Variants in PKD1 observed in about 807,000 individuals in gnomAD.
The protein encoded by PKD1 is polycystin 1, transient receptor potential channel interacting, also known as polycystin-1.
PKD1 carries 81 observed loss-of-function variants against 361.7 expected under a neutral mutation model. That is an observed-to-expected ratio of 0.22 (90% CI 0.19 to 0.27). The LOEUF (loss-of-function observed/expected upper bound fraction) is 0.27. Among genes scored for constraint, PKD1 ranks in the 10% least tolerant of loss-of-function variants. The pLI, the probability that PKD1 is intolerant of heterozygous loss-of-function variation, is 1.00. For synonymous variants in PKD1, 3,615 were observed against 2,818.3 expected, an observed-to-expected ratio of 1.28 and a Z score of -8.95; for missense variants, 6,399 against 6,118.3, an observed-to-expected ratio of 1.05 and a Z score of -1.53.
chr16:2,091,703 G>A lies in PKD1; in HGVS notation c.11537+78C>T, dbSNP rs950357849. 35 of 1,579,854 alleles carry A rather than the reference G, an allele frequency of 2.2e-5. No individual in the cohort carries two copies. The South Asian group carries it at 3.6e-4, about 16-fold the overall frequency. On this transcript the variant is annotated intron_variant, in intron 41 of 45. Coordinates refer to ENST00000262304, the MANE Select transcript of PKD1 (RefSeq NM_001009944.3). ...GGCTGTGGAAGCCGCCTAGGCCAGC[G>A]GGGGCCGGAGGAGTGAGGGTGGGCT...
At position 2,097,037 on chromosome 16, in the gene PKD1, C is replaced by G; in HGVS notation, c.10499+111G>C. On this transcript the variant is annotated intron_variant, in intron 34 of 45. Coordinates refer to ENST00000262304, the MANE Select transcript of PKD1 (RefSeq NM_001009944.3). The stretch of plus-strand genomic sequence containing the variant: ...AGAAGTGAAGTGGTGCAGCCACAGC[C>G]CTGCCCTGGCACCCCACCCCACCCT... 4.0e-6 allele frequency: 3 copies of G among 751,502 alleles called. No homozygotes were observed. The South Asian group carries it at 4.7e-5, about 12-fold the overall frequency. The allele number at this position is 751,502 out of a possible 1,614,324, so 46.6% of individuals were successfully genotyped here.
chr16:2,108,013 G>C lies in PKD1; in HGVS notation c.6935C>G (p.Ala2312Gly), dbSNP rs533284364. The C allele has an allele frequency of 6.5e-7, 1 of 1,549,038 alleles. No individual in the cohort carries two copies. The highest frequency in any genetic ancestry group is 1.4e-5 in the African/African-American group (1 of 73,238). Reference protein sequence around the residue: ...ASTQREAGGCALNFGPRGSST... With the variant: ...ASTQREAGGCGLNFGPRGSST... ...GCTCCCGCGGGGCCCAAAGTTCAGCGCACACCCGCCAGCCTCCCTCTGCAG... is the reference window on the plus strand; with the variant it reads ...GCTCCCGCGGGGCCCAAAGTTCAGCCCACACCCGCCAGCCTCCCTCTGCAG... Residue 2312 changes from alanine to glycine, a missense_variant, in exon 16 of 46, where the codon GCG (alanine) becomes GGG (glycine). Coordinates refer to ENST00000262304, the MANE Select transcript of PKD1 (RefSeq NM_001009944.3).
At position 2,098,363 on chromosome 16, in the gene PKD1, C is replaced by G. The variant is rs2369097; in HGVS notation, c.10051-379G>C. Among the ~76,000 whole-genome samples, 1,118 of 151,916 alleles carry G rather than the reference C, an allele frequency of 7.4e-3. 14 individuals are homozygous for G. The highest frequency in any genetic ancestry group is 0.021 in the African/African-American group (851 of 41,308). ...AGCTGGGATTACAGGTGCCTGCCAC[C>G]ATGCCCAGCTAATTTTTTGTATTTT... On this transcript the variant is annotated intron_variant, in intron 30 of 45. Coordinates refer to ENST00000262304, the MANE Select transcript of PKD1 (RefSeq NM_001009944.3).
At position 2,089,091 on chromosome 16, in the gene PKD1, C is replaced by T. The variant is rs947813833; in HGVS notation, c.*636G>A. 2 of 176,918 alleles carry T rather than the reference C, an allele frequency of 1.1e-5. No homozygotes were observed. Among genetic ancestry groups the T allele is most frequent in the South Asian group, 1.4e-4 (1 of 7,306 alleles). The allele number at this position is 176,918 out of a possible 1,614,324, so 11.0% of individuals were successfully genotyped here. A position where few individuals can be genotyped will look rare whatever the true frequency, so the allele number is the denominator to read the frequency against. ...CCTCTGGGGTGATGAGAGTGCCTGGCAGACAGCTGTGCCCCCAGCACCGGC... is the reference window on the plus strand; with the variant it reads ...CCTCTGGGGTGATGAGAGTGCCTGGTAGACAGCTGTGCCCCCAGCACCGGC... On this transcript the variant is annotated 3_prime_UTR_variant, in exon 46 of 46. Transcript: ENST00000262304.
At position 2,089,617 on chromosome 16, in the gene PKD1, G is replaced by A. The variant is rs998332804; in HGVS notation, c.*110C>T. On this transcript the variant is annotated 3_prime_UTR_variant, in exon 46 of 46. Transcript: ENST00000262304. Reference sequence around the variant, plus strand: ...ACAGATGCCCCTGCCTGCTCTCTGGGGAACCTACGTGCAGCCATTCTGCCT... The same window carrying A: ...ACAGATGCCCCTGCCTGCTCTCTGGAGAACCTACGTGCAGCCATTCTGCCT... The A allele has an allele frequency of 2.5e-5, 33 of 1,346,166 alleles. No homozygotes were observed. The highest frequency in any genetic ancestry group is 3.4e-5 in the Non-Finnish European group (33 of 973,726). The allele number at this position is 1,346,166 out of a possible 1,614,324, so 83.4% of individuals were successfully genotyped here. A position where few individuals can be genotyped will look rare whatever the true frequency, so the allele number is the denominator to read the frequency against.
chr16:2,127,285 C>T (rs368084377), intron 1 of PKD1, among the ~76,000 whole-genome samples: 3 of 152,238 alleles, frequency 2.0e-5, no homozygotes. Flanking sequence ...CGCGGCTCTG[C>T]CAACACTTCC....
Position 2,108,621 on chromosome 16 carries a change from C to A in PKD1, c.6546G>T (p.Gln2182His). ...HVDLRDCVTY[Q>H]TEYRWEVYRT... ...GATACACCTCCCAGCGGTACTCAGT[C>A]TGGTAGGTGACGCAGTCGCGCAGGT... Residue 2182 changes from glutamine (Q) to histidine (H), a missense_variant, in exon 15 of 46, where the codon CAG (glutamine) becomes CAT (histidine). Physicochemically the swap from Gln to His is conservative, Grantham distance 24. Coordinates refer to ENST00000262304, the MANE Select transcript of PKD1 (RefSeq NM_001009944.3). 5 of 1,559,988 alleles carry A rather than the reference C, an allele frequency of 3.2e-6. No homozygotes were observed. The highest frequency in any genetic ancestry group is 4.3e-6 in the Non-Finnish European group (5 of 1,152,888).
At chr16:2,135,258 G>A (rs2151857838) in intron 1 of PKD1, 1 of 985,072 alleles carries the variant, frequency 1.0e-6, no homozygotes, top group East Asian at 1.1e-4. Flanking sequence ...GCCCCCGGGT[G>A]GGACGTCTGT....
Position 2,091,898 on chromosome 16 carries a change from G to A in PKD1, c.11420C>T (p.Ser3807Phe), listed in dbSNP as rs1271773572. Residue 3807 changes from serine to phenylalanine, a missense_variant, in exon 41 of 46, where the codon TCC (serine) becomes TTC (phenylalanine). Transcript: ENST00000262304. The stretch of plus-strand genomic sequence containing the variant: ...GTCATACACGGCACAGGAGCCCCAG[G>A]ACCATGCCCTGCCGGAGAGGGGTGG... Reference protein sequence around the residue: ...YSAPDLLGAWSWGSCAVYDSG... With the variant: ...YSAPDLLGAWFWGSCAVYDSG... 1.2e-5 allele frequency: 20 copies of A among 1,611,416 alleles called. No individual in the cohort carries two copies. Among genetic ancestry groups the A allele is most frequent in the Non-Finnish European group, 1.4e-5 (17 of 1,179,628 alleles).
At position 2,092,527 on chromosome 16, in the gene PKD1, C is replaced by A. The variant is rs1254976978; in HGVS notation, c.11222G>T (p.Ser3741Ile). Residue 3741 changes from serine (S) to isoleucine (I), a missense_variant, in exon 39 of 46, where the codon AGC becomes ATC. Ser to Ile is a moderately radical substitution (Grantham distance 142). Coordinates refer to ENST00000262304, the MANE Select transcript of PKD1 (RefSeq NM_001009944.3). ...LLPYVHGNQS[S>I]PELGPPRLRQ... ...CAGCCGTGGGGGCCCCAGCTCTGGGCTGGACTGGTTCCCGTGGACGTAGGG... is the reference window on the plus strand; with the variant it reads ...CAGCCGTGGGGGCCCCAGCTCTGGGATGGACTGGTTCCCGTGGACGTAGGG... 2 of 1,612,742 alleles carry A rather than the reference C, an allele frequency of 1.2e-6. No individual in the cohort carries two copies. The highest frequency in any genetic ancestry group is 2.2e-5 in the East Asian group (1 of 44,876).
rs186160250 is a variant in PKD1 at position 2,090,580 on chromosome 16, G to A, written c.12149C>T (p.Ser4050Phe). 4 of 1,608,764 alleles carry A rather than the reference G, an allele frequency of 2.5e-6. No homozygotes were observed. Among genetic ancestry groups the A allele is most frequent in the Admixed American group, 3.3e-5 (2 of 59,956 alleles). The change falls in exon 45 of 46, where the codon TCC becomes TTC. Residue 4050 changes from serine (S) to phenylalanine (F), a missense_variant. By Grantham distance (155) the Ser-to-Phe change is radical. Coordinates refer to ENST00000262304, the MANE Select transcript of PKD1 (RefSeq NM_001009944.3). The part of the protein sequence containing the change: ...YAQLAILLVS[S>F]CVDSLWSVAQ... ...CACGCTCCAGAGGGAGTCCACACAG[G>A]AAGACACGAGCTGCGGGGAAGGCGA...
Position 2,102,561 on chromosome 16 carries a change from G to C in PKD1, c.9021C>G (p.Ser3007=). The C allele has an allele frequency of 1.9e-6, 3 of 1,610,970 alleles. No individual in the cohort carries two copies. In the South Asian group the frequency reaches 3.3e-5, roughly 18 times the overall value. ...GGCACAGGGACGTGTACAGGCCCAC[G>C]GACACCTGCAGCGCCGACCAGCGGA... ...SHFRWSALQV[S]VGLYTSLCQY... is the part of the protein sequence containing the mutation. The change falls in exon 25 of 46, where the codon TCC becomes TCG. Residue 3007 remains serine (S), a synonymous_variant. Transcript: ENST00000262304.
chr16:2,114,236 C>T lies in PKD1; in HGVS notation c.2787G>A (p.Glu929=). The T allele has an allele frequency of 6.2e-7, 1 of 1,610,218 alleles. No individual in the cohort carries two copies. Among genetic ancestry groups the T allele is most frequent in the Admixed American group, 1.7e-5 (1 of 59,994 alleles). Residue 929 remains glutamate (E), a synonymous_variant, in exon 11 of 46, where the codon GAG becomes GAA. Transcript: ENST00000262304. ...TGGCGCGGAGGCCACAGATGGGCTC[C>T]TCCGCCGTCACCCGCAGGCTGAGGT... ...RANLSLRVTA[E]EPICGLRATP...
At chr16:2,124,124 T>C (rs1260457244) in intron 1 of PKD1, among the ~76,000 whole-genome samples, 2 of 152,128 alleles carry the variant, frequency 1.3e-5, no homozygotes, top group East Asian at 1.9e-4. Flanking sequence ...TTGCCAATCC[T>C]GGAGCAGGAG....
In PKD1 at chr16:2,097,218, G is replaced by A. The variant is rs62621452; in HGVS notation, c.10429C>T (p.Leu3477Phe). 6.3e-6 allele frequency: 10 copies of A among 1,576,294 alleles called. No homozygotes were observed. In the East Asian group the frequency reaches 9.3e-5, roughly 15 times the overall value. ...GCTGGGCTGCTGACCCCCTCGGCAA[G>A]GACCTGCTGGATCAGGTCTTCATCT... is the stretch of plus-strand genomic sequence containing the variant. ...ASDEDLIQQVLAEGVSSPAPT... is the reference protein window; with the variant it reads ...ASDEDLIQQVFAEGVSSPAPT... The change falls in exon 34 of 46, where the codon CTT (leucine) becomes TTT (phenylalanine). Residue 3477 changes from leucine (L) to phenylalanine (F), a missense_variant. Physicochemically the swap from Leu to Phe is conservative, Grantham distance 22. Coordinates refer to ENST00000262304, the MANE Select transcript of PKD1 (RefSeq NM_001009944.3).
rs111686944 is a variant in PKD1, at chr16:2,113,262, C to G, written c.2884G>C (p.Asp962His). Residue 962 changes from aspartate (D) to histidine (H), a missense_variant, in exon 12 of 46, where the codon GAC becomes CAC. Asp to His is a moderately conservative substitution (Grantham distance 81, BLOSUM62 -1). Coordinates refer to ENST00000262304, the MANE Select transcript of PKD1 (RefSeq NM_001009944.3). ...TTGATGGTCCACCGGAAGACCATGT[C>G]CGAGCCGGCCTCCACCACGGGGCTG... ...RYSPVVEAGS[D>H]MVFRWTINDK... 34 of 1,582,914 alleles carry G rather than the reference C, an allele frequency of 2.1e-5. No homozygotes were observed. In the African/African-American group the frequency reaches 3.1e-4, roughly 14 times the overall value.
In PKD1 at chr16:2,106,044, G is replaced by A. The variant is rs1479314421; in HGVS notation, c.7704-20C>T. ...AAAGACCTACGAGCAGAGGGGGGTG[G>A]TGAGCAGGTGGCAGTCTCGGGGGCG... On this transcript the variant is annotated intron_variant, in intron 19 of 45. Transcript: ENST00000262304. This position sits in a 1 kb window ranked among gnomAD's most constrained non-coding sequence, Gnocchi z 6.5. 6.2e-7 allele frequency: 1 copy of A among 1,607,024 alleles called. No homozygotes were observed. Among genetic ancestry groups the A allele is most frequent in the Non-Finnish European group, 8.5e-7 (1 of 1,178,694 alleles).
chr16:2,112,714 G>A (rs1381589598), intron 13 of PKD1, 74 bp downstream of exon 13: 9 of 1,481,408 alleles, frequency 6.1e-6, no homozygotes, highest in African/African-American at 1.4e-5. Context: ...CCGTGATGTG[G>A]GGGTCCCTCG....
chr16:2,126,966 C>T (rs1049573636), intron 1 of PKD1, among the ~76,000 whole-genome samples: 1 of 152,312 alleles, frequency 6.6e-6, no homozygotes, highest in African/African-American at 2.4e-5. Context: ...GCCAGCGCAT[C>T]ACCCACTCAT....
Sources: gnomAD v4.1 joint callset for allele counts (sites outside exome capture counted in the v4.1 genomes callset) on GRCh38, gnomAD v4.1.1 for gene constraint, Gnocchi (gnomAD v3.1) non-coding constraint, MANE v1.5 for transcripts, NCBI Gene and HGNC (gene_info 2026-07-23, HGNC 2026-07-21) for gene names.